The following THSD7A variants were observed in gnomAD, a reference collection of about 807,000 sequenced individuals.
The protein encoded by THSD7A is thrombospondin type-1 domain-containing protein 7A.
Under a neutral mutation model 231.3 loss-of-function variants are expected in THSD7A, and 96 were observed. The ratio of observed to expected loss-of-function variants is 0.41; its 90% confidence interval spans 0.35 to 0.49. The LOEUF (loss-of-function observed/expected upper bound fraction) is 0.49, where lower values mean the gene tolerates loss of function less well. Ranked by LOEUF, THSD7A falls within the 20% of genes least tolerant of loss-of-function variation. The pLI, the probability that THSD7A is intolerant of heterozygous loss-of-function variation, is 0.05. For synonymous variants in THSD7A, 940 were observed against 743.3 expected, an observed-to-expected ratio of 1.26 and a Z score of -4.30; for missense variants, 2,290 against 2,070.2, an observed-to-expected ratio of 1.11 and a Z score of -2.06.
intron 1 of THSD7A, among the ~76,000 whole-genome samples, chr7:11,689,491 T>C (rs866799697): frequency 1.3e-5 from 2 of 151,832 alleles, no homozygotes; most frequent in South Asian, 2.1e-4. Context: ...GAGTCCATAC[T>C]CCTCACTTTT....
intron 4 of THSD7A, among the ~76,000 whole-genome samples, chr7:11,573,202 C>T (rs554068023): frequency 2.0e-5 from 3 of 152,280 alleles, no homozygotes; most frequent in South Asian, 4.2e-4. Flanking sequence ...TATACTATCA[C>T]CTTTCAGTTC....
intron 6 of THSD7A, among the ~76,000 whole-genome samples, chr7:11,496,241 T>C (rs949759101): frequency 2.0e-5 from 3 of 152,168 alleles, no homozygotes; most frequent in Non-Finnish European, 1.5e-5. Flanking sequence ...ATTATACCCA[T>C]ATTACAGAGA....
At position 11,496,216 on chromosome 7, in the gene THSD7A, G is replaced by A. The variant is rs536911946; in HGVS notation, c.1823-14234C>T. 6.6e-5 allele frequency among the ~76,000 whole-genome samples: 10 copies of A among 152,222 alleles called. No individual in the cohort carries two copies. In the South Asian group the frequency reaches 1.9e-3, roughly 28 times the overall value. ...GGATATAATTTTCCAACAACTCTATGAAGTAGACATGATTATTATACCCAT... is the reference window on the plus strand; with the variant it reads ...GGATATAATTTTCCAACAACTCTATAAAGTAGACATGATTATTATACCCAT... On this transcript the variant is annotated intron_variant, in intron 6 of 27. Transcript: ENST00000423059.
At chr7:11,792,345 C>A (rs1236533662) in intron 1 of THSD7A, among the ~76,000 whole-genome samples, 1 of 151,962 alleles carries the variant, frequency 6.6e-6, no homozygotes, top group Non-Finnish European at 1.5e-5. Flanking sequence ...CATTTTCCTG[C>A]TGAAAAGTCC....
rs750911378 is a variant in THSD7A, at chr7:11,636,854, T to C, written c.298A>G (p.Lys100Glu). 2 of 1,613,936 alleles carry C rather than the reference T, an allele frequency of 1.2e-6. No homozygotes were observed. Among genetic ancestry groups the C allele is most frequent in the South Asian group, 1.1e-5 (1 of 91,078 alleles). Residue 100 changes from lysine (K) to glutamate (E), a missense_variant, in exon 2 of 28, where the codon AAG becomes GAG. Transcript: ENST00000423059. This position sits in a 1 kb window ranked among gnomAD's most constrained non-coding sequence, Gnocchi z 10.0. ...EGWTTLHTNC[K>E]QAERPNNQQN... ...TGGTTATTGGGTCTCTCGGCCTGCT[T>C]ACAGTTAGTATGCAGTGTAGTCCAT... is the stretch of plus-strand genomic sequence containing the variant.
chr7:11,565,811 C>T (rs1168615544), intron 4 of THSD7A, among the ~76,000 whole-genome samples: 1 of 152,124 alleles, frequency 6.6e-6, no homozygotes, highest in East Asian at 1.9e-4. Flanking sequence ...AGCAATCACC[C>T]CAATTCCTCC....
chr7:11,831,866 C>G lies in THSD7A; in HGVS notation c.81G>C (p.Pro27=). The G allele has an allele frequency of 7.7e-7, 1 of 1,297,714 alleles. No individual in the cohort carries two copies. Among genetic ancestry groups the G allele is most frequent in the Non-Finnish European group, 9.8e-7 (1 of 1,024,396 alleles). The allele number at this position is 1,297,714 out of a possible 1,614,324, so 80.4% of individuals were successfully genotyped here. ...GGAGCAGCGGCAGCGGCAGCGGCAG[C>G]GGCAGCAGCTGCAGGACGCCCCGGC... ...GPRRGVLQLL[P]LPLPLPLLLL... The change falls in exon 1 of 28, where the codon CCG becomes CCC. Residue 27 remains proline (P), a synonymous_variant. Transcript: ENST00000423059. The surrounding 1 kb of genome is among the most constrained non-coding windows in gnomAD (Gnocchi z 5.0).
intron 1 of THSD7A, among the ~76,000 whole-genome samples, chr7:11,801,319 T>C (rs1484584108): frequency 6.6e-6 from 1 of 152,162 alleles, no homozygotes; most frequent in Non-Finnish European, 1.5e-5. Context: ...TCTCTCTCTG[T>C]CTTTCTTCCT....
At position 11,512,382 on chromosome 7, in the gene THSD7A, C is replaced by T. The variant is rs569541828; in HGVS notation, c.1822+29037G>A. The stretch of plus-strand genomic sequence containing the variant: ...CATTGTGGAAGTCAGTGTGGCGATT[C>T]CTCAAGGATCTAGAACTAGAAATAC... On this transcript the variant is annotated intron_variant, in intron 6 of 27. Coordinates refer to ENST00000423059, the MANE Select transcript of THSD7A (RefSeq NM_015204.3). 4.6e-5 allele frequency among the ~76,000 whole-genome samples: 7 copies of T among 152,204 alleles called. No individual in the cohort carries two copies. In the South Asian group the frequency reaches 1.5e-3, roughly 32 times the overall value.
intron 19 of THSD7A, among the ~76,000 whole-genome samples, chr7:11,409,823 T>C (rs7804531): frequency 0.42 from 63,402 of 151,726 alleles, 14,179 homozygotes; most frequent in African/African-American, 0.58. Flanking sequence ...ACTCATGGCA[T>C]CCTCTGCCTC....
chr7:11,760,729 C>T (rs1287950479), intron 1 of THSD7A, among the ~76,000 whole-genome samples: 7 of 151,950 alleles, frequency 4.6e-5, no homozygotes, highest in Non-Finnish European at 1.0e-4. Context: ...TTAATAATAT[C>T]AGCAAACAAC....
intron 6 of THSD7A, among the ~76,000 whole-genome samples, chr7:11,501,634 T>G (rs1364334695): frequency 6.6e-6 from 1 of 152,108 alleles, no homozygotes; most frequent in Non-Finnish European, 1.5e-5. Context: ...TAAGGCAGTG[T>G]TAAGAGGAAA....
At chr7:11,826,558 T>A (rs1785033166) in intron 1 of THSD7A, among the ~76,000 whole-genome samples, 1 of 152,136 alleles carries the variant, frequency 6.6e-6, no homozygotes, top group Non-Finnish European at 1.5e-5. Flanking sequence ...GTCCCTGTAA[T>A]CCCAGAACTT....
chr7:11,638,253 G>A (rs1781947282), intron 1 of THSD7A, among the ~76,000 whole-genome samples: 1 of 152,192 alleles, frequency 6.6e-6, no homozygotes, highest in African/African-American at 2.4e-5. Flanking sequence ...GAGAAAAACA[G>A]GAAACAAGAA....
At chr7:11,465,560 A>C (rs1785668877) in intron 9 of THSD7A, among the ~76,000 whole-genome samples, 1 of 152,108 alleles carries the variant, frequency 6.6e-6, no homozygotes. Context: ...AAGGATTTAA[A>C]AGGCAGGCAA....
intron 1 of THSD7A, among the ~76,000 whole-genome samples, chr7:11,674,620 G>A (rs181659662): frequency 2.0e-3 from 301 of 152,158 alleles, no homozygotes; most frequent in African/African-American, 6.7e-3. Context: ...AAGACACAAA[G>A]CCAATTGATT....
In THSD7A at chr7:11,636,478, G is replaced by A. The variant is rs754940123; in HGVS notation, c.674C>T (p.Pro225Leu). 1.9e-6 allele frequency: 3 copies of A among 1,613,582 alleles called. No individual in the cohort carries two copies. Among genetic ancestry groups the A allele is most frequent in the East Asian group, 4.5e-5 (2 of 44,852 alleles). ...TGGACAGCCAGAGCCTCCGAACTGC[G>A]GGGGCGCCACCACATGACGCGTCCG... ...QHRTRHVVAPPQFGGSGCPNL... is the reference protein window; with the variant it reads ...QHRTRHVVAPLQFGGSGCPNL... The change falls in exon 2 of 28, where the codon CCG becomes CTG. Residue 225 changes from proline (P) to leucine (L), a missense_variant. Physicochemically the swap from Pro to Leu is moderately conservative, Grantham distance 98. Transcript: ENST00000423059. The surrounding 1 kb of genome is among the most constrained non-coding windows in gnomAD (Gnocchi z 10.0).
intron 2 of THSD7A, among the ~76,000 whole-genome samples, chr7:11,596,883 A>G (rs1780380583): frequency 6.6e-6 from 1 of 152,206 alleles, no homozygotes; most frequent in Non-Finnish European, 1.5e-5. Flanking sequence ...CCTTTTCTCC[A>G]TTCCTGTCCA....
Position 11,657,486 on chromosome 7 carries a change from T to G in THSD7A, c.191-20525A>C, listed in dbSNP as rs112194467. ...CCATTACTATGGGTAAATCCTTGACTAATATACTCTTCAATGCCTAACTAT... is the reference window on the plus strand; with the variant it reads ...CCATTACTATGGGTAAATCCTTGACGAATATACTCTTCAATGCCTAACTAT... On this transcript the variant is annotated intron_variant, in intron 1 of 27. Coordinates refer to ENST00000423059, the MANE Select transcript of THSD7A (RefSeq NM_015204.3). Among the ~76,000 whole-genome samples, 6 of 151,906 alleles carry G rather than the reference T, an allele frequency of 3.9e-5. 1 individual carries two copies. Among genetic ancestry groups the G allele is most frequent in the African/African-American group, 1.4e-4 (6 of 41,510 alleles).
Sources: allele counts gnomAD v4.1 joint callset (sites outside exome capture counted in the v4.1 genomes callset), GRCh38; gene constraint gnomAD v4.1.1; non-coding constraint Gnocchi (gnomAD v3.1); transcripts MANE v1.5; gene names NCBI Gene and HGNC (gene_info 2026-07-23, HGNC 2026-07-21).